ADGRL3: variants seen among roughly 807,000 people sequenced by gnomAD.
ADGRL3 encodes calcium-independent alpha-latrotoxin receptor 3.
A neutral mutation model predicts 153.5 loss-of-function variants in ADGRL3; 62 were observed. The observed-to-expected ratio is 0.40, with a 90% CI of 0.33 to 0.50. The LOEUF (loss-of-function observed/expected upper bound fraction) is 0.50, where lower values mean the gene tolerates loss of function less well. ADGRL3 is among the 20% of genes least tolerant of loss of function. The pLI is 0.47. For missense variants in ADGRL3, 1,641 were observed against 1,859.4 expected (o/e 0.88, Z 2.16); for synonymous variants, 710 against 672.5 (o/e 1.06, Z -0.86).
intron 8 of ADGRL3, among the ~76,000 whole-genome samples, chr4:61,788,581 GAGAA>G (rs1317885362): frequency 6.6e-6 from 1 of 152,064 alleles, no homozygotes; most frequent in Non-Finnish European, 1.5e-5. Flanking sequence ...CTACCCCAAT[GAGAA>G]AGAACCCAGA....
chr4:61,879,619 C>T (rs1472128862), intron 9 of ADGRL3, among the ~76,000 whole-genome samples: 1 of 152,088 alleles, frequency 6.6e-6, no homozygotes, highest in Non-Finnish European at 1.5e-5. Context: ...AGGGATGCTT[C>T]ACATGCACTT....
intron 21 of ADGRL3, among the ~76,000 whole-genome samples, chr4:62,013,813 G>A (rs904318804): frequency 6.6e-6 from 1 of 151,930 alleles, no homozygotes; most frequent in Non-Finnish European, 1.5e-5. Flanking sequence ...GCTTGAACCC[G>A]GAAAGCGGAG....
chr4:61,800,616 C>T (rs1393946889), intron 8 of ADGRL3, among the ~76,000 whole-genome samples: 2 of 152,266 alleles, frequency 1.3e-5, no homozygotes, highest in South Asian at 2.1e-4. Flanking sequence ...GATAGGGAAG[C>T]TCTCCTAGAA....
At chr4:61,986,234 G>T (rs1009794657) in intron 19 of ADGRL3, among the ~76,000 whole-genome samples, 5 of 151,992 alleles carry the variant, frequency 3.3e-5, no homozygotes, top group Non-Finnish European at 7.4e-5. Flanking sequence ...AGTTATTTGT[G>T]ACCTTATGCT....
chr4:61,861,713 G>A (rs1040818471), intron 9 of ADGRL3, among the ~76,000 whole-genome samples: 6 of 152,012 alleles, frequency 3.9e-5, no homozygotes, highest in African/African-American at 1.4e-4. Flanking sequence ...TAGTAGGATT[G>A]GTTTGTTTTT....
At chr4:62,004,053 T>A (rs1237244121) in intron 21 of ADGRL3, among the ~76,000 whole-genome samples, 1 of 152,080 alleles carries the variant, frequency 6.6e-6, no homozygotes. Context: ...TGTCTAAATG[T>A]TAGTAAAAAC....
chr4:61,615,925 G>A (rs2091949350), intron 5 of ADGRL3, among the ~76,000 whole-genome samples: 1 of 151,976 alleles, frequency 6.6e-6, no homozygotes, highest in Non-Finnish European at 1.5e-5. Context: ...CTTGAGATAA[G>A]GAACAAACTT....
chr4:61,220,058 A>G (rs1369146043), intron 1 of ADGRL3, among the ~76,000 whole-genome samples: 1 of 150,268 alleles, frequency 6.7e-6, no homozygotes, highest in African/African-American at 2.5e-5. Flanking sequence ...CATTGAGCTG[A>G]GATTGCGTGC....
At chr4:61,600,998 A>T (rs1051371861) in intron 5 of ADGRL3, among the ~76,000 whole-genome samples, 2 of 149,316 alleles carry the variant, frequency 1.3e-5, no homozygotes, top group Non-Finnish European at 2.9e-5. Flanking sequence ...AATTGGGGGC[A>T]TTTTTTTTAT....
At chr4:62,049,529 G>A (rs1732998994) in intron 25 of ADGRL3, among the ~76,000 whole-genome samples, 1 of 152,120 alleles carries the variant, frequency 6.6e-6, no homozygotes, top group Non-Finnish European at 1.5e-5. Context: ...TCAGAGTTCA[G>A]ACCTTTATTA....
chr4:61,418,165 A>T (rs970852193), intron 2 of ADGRL3, among the ~76,000 whole-genome samples: 5 of 152,160 alleles, frequency 3.3e-5, no homozygotes, highest in Admixed American at 1.3e-4. Context: ...TAAGATTGCT[A>T]CCCATTTTGG....
At chr4:61,872,085 G>C (rs563653791) in intron 9 of ADGRL3, among the ~76,000 whole-genome samples, 8 of 152,304 alleles carry the variant, frequency 5.3e-5, no homozygotes, top group African/African-American at 1.7e-4. Flanking sequence ...TCTAGAAAAT[G>C]CCTGGCACAC....
At chr4:61,661,803 T>G (rs918173657) in intron 5 of ADGRL3, among the ~76,000 whole-genome samples, 10 of 152,128 alleles carry the variant, frequency 6.6e-5, no homozygotes, top group Admixed American at 1.3e-4. Context: ...ATACAAAAAA[T>G]GAGCAATCTT....
At chr4:61,863,944 T>C (rs1021230056) in intron 9 of ADGRL3, among the ~76,000 whole-genome samples, 1 of 152,210 alleles carries the variant, frequency 6.6e-6, no homozygotes, top group Non-Finnish European at 1.5e-5. Flanking sequence ...TATGAAGGTT[T>C]GGTCAGAATT....
chr4:61,260,728 T>A (rs9995267), intron 1 of ADGRL3, among the ~76,000 whole-genome samples: 98,482 of 148,572 alleles, frequency 0.66, 32,171 homozygotes, highest in African/African-American at 0.7. Flanking sequence ...CTTTAAAAAA[T>A]TTTTTTTATT....
chr4:61,337,204 A>G (rs11723669), intron 1 of ADGRL3, among the ~76,000 whole-genome samples: 19,343 of 152,104 alleles, frequency 0.13, 1,592 homozygotes, highest in Admixed American at 0.17. Flanking sequence ...CTCATCTCCA[A>G]GGAAGATGTA....
At chr4:61,373,073 C>T (rs554850367) in intron 1 of ADGRL3, among the ~76,000 whole-genome samples, 8 of 152,156 alleles carry the variant, frequency 5.3e-5, no homozygotes, top group South Asian at 2.1e-4. Flanking sequence ...GGCAATGCCT[C>T]GCCCTGCTTC....
chr4:61,866,525 G>A (rs966582481), intron 9 of ADGRL3, among the ~76,000 whole-genome samples: 1 of 152,106 alleles, frequency 6.6e-6, no homozygotes, highest in African/African-American at 2.4e-5. Context: ...CCTGTCCTCG[G>A]CATTATATTC....
intron 9 of ADGRL3, among the ~76,000 whole-genome samples, chr4:61,833,372 C>T (rs1283297197): frequency 2.0e-5 from 3 of 152,142 alleles, no homozygotes; most frequent in Non-Finnish European, 2.9e-5. Flanking sequence ...AAGAGTAATT[C>T]GCTGAGAGCC....
Sources: gnomAD v4.1 joint callset for allele counts (sites outside exome capture counted in the v4.1 genomes callset) on GRCh38, gnomAD v4.1.1 for gene constraint, MANE v1.5 for transcripts, NCBI Gene and HGNC (gene_info 2026-07-23, HGNC 2026-07-21) for gene names.